SUCLG2: variants seen among roughly 807,000 people sequenced by gnomAD.
SUCLG2 encodes succinate-CoA ligase GDP-forming subunit beta.
In SUCLG2, 42 loss-of-function variants were observed where a neutral mutation model predicts 47.9. The observed-to-expected ratio is 0.88, with a 90% CI of 0.69 to 1.14. The LOEUF (loss-of-function observed/expected upper bound fraction) is 1.14, where lower values mean the gene tolerates loss of function less well. Ranked by LOEUF, SUCLG2 falls within the 50% of genes most tolerant of loss-of-function variation. The pLI, the probability that SUCLG2 is intolerant of heterozygous loss-of-function variation, is 0.00. For missense variants in SUCLG2, 571 were observed against 525.9 expected (o/e 1.09, Z -0.84); for synonymous variants, 195 against 197.3 (o/e 0.99, Z 0.10).
At chr3:67,446,955 T>A (rs1703942865) in intron 9 of SUCLG2, among the ~76,000 whole-genome samples, 1 of 152,200 alleles carries the variant, frequency 6.6e-6, no homozygotes, top group African/African-American at 2.4e-5. Flanking sequence ...TAATCCTTTA[T>A]GTTTGAGGAA....
chr3:67,524,342 T>A (rs1204261941), intron 4 of SUCLG2, among the ~76,000 whole-genome samples: 1 of 152,232 alleles, frequency 6.6e-6, no homozygotes, highest in Non-Finnish European at 1.5e-5. Flanking sequence ...AAAAATATCA[T>A]GCTACTGGAA....
At chr3:67,404,724 T>G (rs1054396428) in intron 9 of SUCLG2, among the ~76,000 whole-genome samples, 24 of 152,294 alleles carry the variant, frequency 1.6e-4, no homozygotes, top group African/African-American at 5.3e-4. Context: ...GATTTAAGGT[T>G]TAACTCTGGG....
intron 9 of SUCLG2, among the ~76,000 whole-genome samples, chr3:67,491,287 G>A (rs1281715134): frequency 4.7e-5 from 7 of 150,228 alleles, no homozygotes; most frequent in Non-Finnish European, 1.5e-5. Flanking sequence ...AGAAAGCAGG[G>A]TAGGAAAATG....
chr3:67,480,949 G>T (rs1216284898), intron 9 of SUCLG2, among the ~76,000 whole-genome samples: 1 of 152,146 alleles, frequency 6.6e-6, no homozygotes, highest in Admixed American at 6.5e-5. Flanking sequence ...CAAAGAATAG[G>T]ACAATGTGAT....
intron 2 of SUCLG2, among the ~76,000 whole-genome samples, chr3:67,572,612 A>T (rs1202305801): frequency 1.3e-5 from 2 of 152,176 alleles, no homozygotes; most frequent in Non-Finnish European, 2.9e-5. Flanking sequence ...CAGAGCAGTA[A>T]GAACAGGTTA....
At chr3:67,447,479 T>C (rs77134666) in intron 9 of SUCLG2, among the ~76,000 whole-genome samples, 3,611 of 152,272 alleles carry the variant, frequency 0.024, 139 homozygotes, top group African/African-American at 0.082. Flanking sequence ...GATTTGATTA[T>C]GCCCACAATC....
chr3:67,438,692 A>G (rs1428164341), intron 9 of SUCLG2, among the ~76,000 whole-genome samples: 2 of 152,238 alleles, frequency 1.3e-5, no homozygotes, highest in African/African-American at 2.4e-5. Context: ...AGCAGGAAGA[A>G]GTCGAATCCC....
At chr3:67,551,446 TCCA>T (rs976596221) in intron 2 of SUCLG2, among the ~76,000 whole-genome samples, 1 of 152,220 alleles carries the variant, frequency 6.6e-6, no homozygotes, top group African/African-American at 2.4e-5. Flanking sequence ...GCCTTGGAAA[TCCA>T]CCACATTTTC....
chr3:67,488,771 T>C (rs1222953397), intron 9 of SUCLG2, among the ~76,000 whole-genome samples: 1 of 152,168 alleles, frequency 6.6e-6, no homozygotes, highest in African/African-American at 2.4e-5. Flanking sequence ...CCCTAACTCT[T>C]CTAATAATTA....
chr3:67,573,730 G>A (rs895740610), intron 2 of SUCLG2, among the ~76,000 whole-genome samples: 1 of 152,112 alleles, frequency 6.6e-6, no homozygotes, highest in African/African-American at 2.4e-5. Flanking sequence ...CGGCCTGGTG[G>A]GAAGCGCTCT....
chr3:67,408,276 T>A (rs1702860996), intron 9 of SUCLG2, among the ~76,000 whole-genome samples: 1 of 152,156 alleles, frequency 6.6e-6, no homozygotes, highest in South Asian at 2.1e-4. Flanking sequence ...AAAACTGACA[T>A]GTGAAAAACA....
intron 2 of SUCLG2, among the ~76,000 whole-genome samples, chr3:67,583,676 C>T (rs184385597): frequency 6.6e-6 from 1 of 152,342 alleles, no homozygotes; most frequent in Admixed American, 6.5e-5. Flanking sequence ...TTAGAGACTT[C>T]TTCCCACCTT....
At chr3:67,513,400 A>G (rs1164952195) in intron 6 of SUCLG2, among the ~76,000 whole-genome samples, 1 of 152,230 alleles carries the variant, frequency 6.6e-6, no homozygotes, top group Non-Finnish European at 1.5e-5. Flanking sequence ...CTGTTGCACA[A>G]AGGCAGACCA....
intron 2 of SUCLG2, among the ~76,000 whole-genome samples, chr3:67,575,056 A>C (rs910176415): frequency 1.3e-5 from 2 of 152,206 alleles, no homozygotes; most frequent in African/African-American, 4.8e-5. Flanking sequence ...AAAACAACAA[A>C]AGTTAGTGAG....
intron 9 of SUCLG2, among the ~76,000 whole-genome samples, chr3:67,481,339 G>A (rs1264131840): frequency 6.6e-6 from 1 of 152,194 alleles, no homozygotes; most frequent in Non-Finnish European, 1.5e-5. Flanking sequence ...TCTAGACCAC[G>A]TGGACCAGGA....
At chr3:67,595,452 T>A (rs945873156) in intron 2 of SUCLG2, among the ~76,000 whole-genome samples, 1 of 151,622 alleles carries the variant, frequency 6.6e-6, no homozygotes, top group South Asian at 2.1e-4. Flanking sequence ...AGGAAAGGAG[T>A]GCCAGGGTGG....
At chr3:67,370,161 A>C (rs949208529), downstream of SUCLG2, among the ~76,000 whole-genome samples, 43 of 152,314 alleles carry the variant, frequency 2.8e-4, no homozygotes, top group Admixed American at 2.1e-3. Flanking sequence ...GTAACATTTG[A>C]AACAATTAAC....
At chr3:67,498,044 T>C in intron 8 of SUCLG2, 90 bp downstream of exon 8, 1 of 1,365,068 alleles carries the variant, frequency 7.3e-7, no homozygotes. Flanking sequence ...ATGTGCTTAC[T>C]TCTTCTTGGT....
chr3:67,507,613 T>C (rs1705672212), intron 7 of SUCLG2, among the ~76,000 whole-genome samples: 1 of 152,192 alleles, frequency 6.6e-6, no homozygotes, highest in African/African-American at 2.4e-5. Context: ...ATACAGAATT[T>C]ATACTTAGGC....
Sources: gnomAD v4.1 joint callset for allele counts (sites outside exome capture counted in the v4.1 genomes callset) on GRCh38, gnomAD v4.1.1 for gene constraint, MANE v1.5 for transcripts, NCBI Gene and HGNC (gene_info 2026-07-23, HGNC 2026-07-21) for gene names.